Variants in SSX2IP observed in about 807,000 individuals in gnomAD.
The protein encoded by SSX2IP is afadin- and alpha-actinin-binding protein.
SSX2IP carries 55 observed loss-of-function variants against 84.9 expected under a neutral mutation model. The observed-to-expected ratio is 0.65, with a 90% CI of 0.52 to 0.81. The LOEUF (loss-of-function observed/expected upper bound fraction) is 0.81. Ranked by LOEUF, SSX2IP falls within the 30% of genes least tolerant of loss-of-function variation. The pLI is 0.00. For missense variants in SSX2IP, 664 were observed against 705.2 expected (o/e 0.94, Z 0.66); for synonymous variants, 239 against 234.7 (o/e 1.02, Z -0.17).
At chr1:84,666,477 A>G (rs1400229919) in intron 4 of SSX2IP, among the ~76,000 whole-genome samples, 1 of 152,182 alleles carries the variant, frequency 6.6e-6, no homozygotes, top group Non-Finnish European at 1.5e-5. Context: ...AAGTGCTTCA[A>G]AATGGATCCC....
At chr1:84,654,955 G>A (rs1650860489) in intron 11 of SSX2IP, among the ~76,000 whole-genome samples, 1 of 152,044 alleles carries the variant, frequency 6.6e-6, no homozygotes, top group Non-Finnish European at 1.5e-5. Context: ...GGGATGAACT[G>A]ATACTGACTG....
chr1:84,674,919 C>G (rs924243603), intron 1 of SSX2IP, among the ~76,000 whole-genome samples: 3 of 152,208 alleles, frequency 2.0e-5, no homozygotes, highest in Non-Finnish European at 2.9e-5. Flanking sequence ...AGGGGACTTA[C>G]GACTCTTTAT....
rs1370710843 is a variant in SSX2IP at position 84,646,465 on chromosome 1, T to C, written c.*968A>G. 1 of 152,524 alleles carries C rather than the reference T, an allele frequency of 6.6e-6. No individual in the cohort carries two copies. The highest frequency in any genetic ancestry group is 1.5e-5 in the Non-Finnish European group (1 of 68,004). The allele number at this position is 152,524 out of a possible 1,614,324, so 9.4% of individuals were successfully genotyped here. On this transcript the variant is annotated 3_prime_UTR_variant, in exon 14 of 14. Transcript: ENST00000342203. ...AAAATTATTAAAAAATTATTGACAA[T>C]ACAAAGCCCTAGTTAGTATACAGAT...
rs1029592699 is a variant in SSX2IP, at chr1:84,645,063, T to C, written c.*2370A>G. On this transcript the variant is annotated 3_prime_UTR_variant, in exon 14 of 14. Coordinates refer to ENST00000342203, the MANE Select transcript of SSX2IP (RefSeq NM_001166293.2). ...GGATAAAAACAAATGAAGTACAAAA[T>C]ATTTCAGATTTACATAGTGATAAAC... is the stretch of plus-strand genomic sequence containing the variant. The C allele has an allele frequency of 6.6e-6, 1 of 152,188 alleles. No individual in the cohort carries two copies. Among genetic ancestry groups the C allele is most frequent in the African/African-American group, 2.4e-5 (1 of 41,434 alleles). The allele number at this position is 152,188 out of a possible 1,614,324, so 9.4% of individuals were successfully genotyped here. A position where few individuals can be genotyped will look rare whatever the true frequency, so the allele number is the denominator to read the frequency against.
intron 13 of SSX2IP, among the ~76,000 whole-genome samples, chr1:84,649,202 T>C (rs77681809): frequency 0.17 from 26,221 of 152,138 alleles, 2,395 homozygotes; most frequent in Middle Eastern, 0.26. Context: ...GAGTTAATAA[T>C]TGCTGAACCT....
At chr1:84,681,479 G>A (rs931303043) in intron 1 of SSX2IP, among the ~76,000 whole-genome samples, 4 of 152,174 alleles carry the variant, frequency 2.6e-5, no homozygotes, top group Non-Finnish European at 4.4e-5. Context: ...TTAGGGGAAA[G>A]TTCTGGAAAA....
chr1:84,666,781 C>T (rs141014480), intron 4 of SSX2IP, among the ~76,000 whole-genome samples: 203 of 152,206 alleles, frequency 1.3e-3, no homozygotes, highest in East Asian at 7.9e-3. Context: ...CTTCCCAGAG[C>T]GGAATGGCAG....
intron 8 of SSX2IP, among the ~76,000 whole-genome samples, chr1:84,659,948 A>C (rs1041073997): frequency 6.6e-6 from 1 of 152,194 alleles, no homozygotes; most frequent in Non-Finnish European, 1.5e-5. Flanking sequence ...AGGTGGGATG[A>C]CTGTTTAAGC....
Position 84,651,992 on chromosome 1 carries a change from C to T in SSX2IP, c.1395G>A (p.Lys465=). 6.2e-7 allele frequency: 1 copy of T among 1,610,560 alleles called. No individual in the cohort carries two copies. Among genetic ancestry groups the T allele is most frequent in the Non-Finnish European group, 8.5e-7 (1 of 1,176,992 alleles). The change falls in exon 12 of 14, where the codon AAG becomes AAA. Residue 465 remains lysine (K), a synonymous_variant. Coordinates refer to ENST00000342203, the MANE Select transcript of SSX2IP (RefSeq NM_001166293.2). Reference sequence around the variant, plus strand: ...AACTGGCTCTTTCTTCTTCAAATGCCTTTCTCTACCATAAACAGCCAAAGA... The same window carrying T: ...AACTGGCTCTTTCTTCTTCAAATGCTTTTCTCTACCATAAACAGCCAAAGA... ...EAAIRLGLER[K]AFEEERASWL...
rs560187203 is a variant in SSX2IP at position 84,644,302 on chromosome 1, C to T, written c.*3131G>A. 1.3e-5 allele frequency: 2 copies of T among 152,174 alleles called. No homozygotes were observed. Among genetic ancestry groups the T allele is most frequent in the African/African-American group, 2.4e-5 (1 of 41,434 alleles). The allele number at this position is 152,174 out of a possible 1,614,324, so 9.4% of individuals were successfully genotyped here. On this transcript the variant is annotated 3_prime_UTR_variant, in exon 14 of 14. Transcript: ENST00000342203. ...GACTGAATGTGTCCGTAGCATCCACCATTGTTTATTACAATGTAGGTTTAA... is the reference window on the plus strand; with the variant it reads ...GACTGAATGTGTCCGTAGCATCCACTATTGTTTATTACAATGTAGGTTTAA...
chr1:84,685,900 G>C (rs139795335), intron 1 of SSX2IP, among the ~76,000 whole-genome samples: 32 of 152,330 alleles, frequency 2.1e-4, no homozygotes, highest in African/African-American at 7.0e-4. Context: ...AGCACAACCA[G>C]ATTACAATTA....
intron 1 of SSX2IP, among the ~76,000 whole-genome samples, chr1:84,675,003 C>T (rs1056755402): frequency 1.3e-5 from 2 of 152,170 alleles, no homozygotes; most frequent in African/African-American, 4.8e-5. Context: ...CTAAAACTGC[C>T]TTGCTGAAGG....
intron 1 of SSX2IP, among the ~76,000 whole-genome samples, chr1:84,673,132 A>G (rs1653831858): frequency 6.6e-6 from 1 of 152,254 alleles, no homozygotes; most frequent in African/African-American, 2.4e-5. Flanking sequence ...AGTGAAGTTC[A>G]TATTCTGATG....
chr1:84,656,435 T>C lies in SSX2IP; in HGVS notation c.1128A>G (p.Arg376=). 2 of 1,613,562 alleles carry C rather than the reference T, an allele frequency of 1.2e-6. No individual in the cohort carries two copies. Among genetic ancestry groups the C allele is most frequent in the Non-Finnish European group, 1.7e-6 (2 of 1,179,732 alleles). The change falls in exon 10 of 14, where the codon CGA becomes CGG. Residue 376 remains arginine, a synonymous_variant. Transcript: ENST00000342203. ...EGFNDEDVIS[R]QDHEQETEKL... Reference sequence around the variant, plus strand: ...TTTCAGTTTCTTGTTCATGGTCTTGTCGTGAGATTACATCTTCATCATTAA... The same window carrying C: ...TTTCAGTTTCTTGTTCATGGTCTTGCCGTGAGATTACATCTTCATCATTAA...
chr1:84,660,973 A>G (rs1318215035), intron 8 of SSX2IP, among the ~76,000 whole-genome samples: 3 of 150,118 alleles, frequency 2.0e-5, no homozygotes, highest in Non-Finnish European at 4.4e-5. Context: ...AGGTTGAGGC[A>G]GAGGAATCAC....
chr1:84,652,159 C>A, intron 11 of SSX2IP, 162 bp from the exon 12 acceptor site: 1 of 565,392 alleles, frequency 1.8e-6, no homozygotes, highest in Non-Finnish European at 3.2e-6. Context: ...TTTCAGCACT[C>A]GTCTGTAATC....
intron 4 of SSX2IP, among the ~76,000 whole-genome samples, chr1:84,668,181 T>C (rs1210900881): frequency 6.6e-6 from 1 of 152,122 alleles, no homozygotes; most frequent in Non-Finnish European, 1.5e-5. Flanking sequence ...TCCTAATAAA[T>C]GGGACCACTC....
In SSX2IP at chr1:84,670,794, T is replaced by C. The variant is rs772318150; in HGVS notation, c.65A>G (p.Tyr22Cys). ...LSSESKTISQ[Y>C]TSETKMSPSS... ...TGGAGACATCTTTGTTTCTGAGGTA[T>C]ATTGAGAGATAGTTTTGCTTTCTGA... The change falls in exon 3 of 14, where the codon TAT becomes TGT. Residue 22 changes from tyrosine (Y) to cysteine (C), a missense_variant. Transcript: ENST00000342203. 1 of 1,608,688 alleles carries C rather than the reference T, an allele frequency of 6.2e-7. No homozygotes were observed. The highest frequency in any genetic ancestry group is 8.5e-7 in the Non-Finnish European group (1 of 1,177,940).
rs1320014223 is a variant in SSX2IP at position 84,670,705 on chromosome 1, A to T, written c.154T>A (p.Phe52Ile). 1 of 1,613,090 alleles carries T rather than the reference A, an allele frequency of 6.2e-7. No homozygotes were observed. The highest frequency in any genetic ancestry group is 1.7e-5 in the Admixed American group (1 of 60,008). ...SIPLSKNVHS[F>I]FSAFCTEDNI... is the part of the protein sequence containing the mutation. ...TCTTCTGTGCAGAAGGCACTGAAAA[A>T]ACTGTGCACATTTTTCGATAAAGGT... Residue 52 changes from phenylalanine to isoleucine, a missense_variant, in exon 3 of 14, where the codon TTT becomes ATT. By Grantham distance (21) the Phe-to-Ile change is conservative (BLOSUM62 0). Transcript: ENST00000342203.
Sources: allele counts gnomAD v4.1 joint callset (sites outside exome capture counted in the v4.1 genomes callset), GRCh38; gene constraint gnomAD v4.1.1; transcripts MANE v1.5; gene names NCBI Gene and HGNC (gene_info 2026-07-23, HGNC 2026-07-21).